The following SCN8A variants were observed in gnomAD, a reference collection of about 807,000 sequenced individuals.
SCN8A encodes sodium channel protein type 8 subunit alpha.
SCN8A carries 30 observed loss-of-function variants against 184.1 expected under a neutral mutation model. That is an observed-to-expected ratio of 0.16 (90% CI 0.12 to 0.22). The LOEUF (loss-of-function observed/expected upper bound fraction) is 0.22. SCN8A is among the 10% of genes least tolerant of loss of function. The probability of loss-of-function intolerance (pLI) is 1.00; values close to 1 mark genes in which losing one functional copy is unlikely to be tolerated. For missense variants in SCN8A, 1,057 were observed against 2,498.9 expected (o/e 0.42, Z 12.30); for synonymous variants, 852 against 907.0 (o/e 0.94, Z 1.09).
Position 51,768,735 on chromosome 12 carries a change from G to A in SCN8A, c.2902-130G>A. ...TAACATGAGCATTAAAATACTACGT[G>A]GGCCAAACACAACACAACAGAGCCT... On this transcript the variant is annotated intron_variant, in intron 16 of 26. Coordinates refer to ENST00000627620, the MANE Select transcript of SCN8A (RefSeq NM_001330260.2). 2 of 673,662 alleles carry A rather than the reference G, an allele frequency of 3.0e-6. 1 individual carries two copies. The highest frequency in any genetic ancestry group is 5.6e-5 in the East Asian group (2 of 36,028). The allele number at this position is 673,662 out of a possible 1,614,324, so 41.7% of individuals were successfully genotyped here.
rs898171250 is a variant in SCN8A, at chr12:51,759,240, AATATAT to A, written c.2371-3257_2371-3252del. Among the ~76,000 whole-genome samples the A allele has an allele frequency of 2.0e-5, 3 of 151,218 alleles. 1 individual carries two copies. The highest frequency in any genetic ancestry group is 2.0e-4 in the Admixed American group (3 of 15,158). ...TAAAAAATATATATATATAAATGAA[AATATAT>A]ATATAAGGCCTAGGTTTGTGTAAGT... On this transcript the variant is annotated intron_variant, in intron 14 of 26. Transcript: ENST00000627620.
chr12:51,705,621 C>T lies in SCN8A; in HGVS notation c.1339C>T (p.Gln447Ter), dbSNP rs1060501012. 1 of 1,611,804 alleles carries T rather than the reference C, an allele frequency of 6.2e-7. No individual in the cohort carries two copies. Among genetic ancestry groups the T allele is most frequent in the Non-Finnish European group, 8.5e-7 (1 of 1,178,900 alleles). ...ACTTAAGAAGCAACAGGAAGAGGCACAGGTTGGTGATGAATTCTTTGCAAT... is the reference window on the plus strand; with the variant it reads ...ACTTAAGAAGCAACAGGAAGAGGCATAGGTTGGTGATGAATTCTTTGCAAT... The part of the protein sequence containing the change: ...EQLKKQQEEA[Q>*]AAAMATSAGT... Residue 447 changes from glutamine to a stop codon, truncating the protein, a stop_gained and splice_region_variant, in exon 10 of 27, where the codon CAG becomes TAG. Coordinates refer to ENST00000627620, the MANE Select transcript of SCN8A (RefSeq NM_001330260.2). LOFTEE classifies it high-confidence loss of function.
chr12:51,656,932 T>A lies in SCN8A; in HGVS notation c.-54-5832T>A, dbSNP rs377716262. Among the ~76,000 whole-genome samples the A allele has an allele frequency of 9.9e-5, 15 of 152,204 alleles. No homozygotes were observed. The South Asian group carries it at 1.7e-3, about 17-fold the overall frequency. On this transcript the variant is annotated intron_variant, in intron 1 of 26. Coordinates refer to ENST00000627620, the MANE Select transcript of SCN8A (RefSeq NM_001330260.2). ...AATACAAAATGGTTCAGCCACAAAA[T>A]GCAAAATAGTTCAGGAAAACAGTTT...
At chr12:51,606,749 G>A (rs745523337) in intron 1 of SCN8A, among the ~76,000 whole-genome samples, 17 of 151,884 alleles carry the variant, frequency 1.1e-4, no homozygotes, top group African/African-American at 2.9e-4. Context: ...TATTTGTGTC[G>A]TCTATGATTT....
chr12:51,657,994 A>T lies in SCN8A; in HGVS notation c.-54-4770A>T, dbSNP rs118035756. On this transcript the variant is annotated intron_variant, in intron 1 of 26. Transcript: ENST00000627620. ...GGTCTGTGTGTCTTTTTATGCTAAT[A>T]CCATGTTGTTCTGGATACTGTATCT... Among the ~76,000 whole-genome samples, 887 of 152,218 alleles carry T rather than the reference A, an allele frequency of 5.8e-3. 4 individuals carry two copies. Among genetic ancestry groups the T allele is most frequent in the Non-Finnish European group, 0.01 (704 of 67,992 alleles).
chr12:51,786,463 T>G, intron 21 of SCN8A, 79 bp from the exon 22 acceptor site: 1 of 1,456,652 alleles, frequency 6.9e-7, no homozygotes, highest in Non-Finnish European at 9.6e-7. Context: ...CCACACAATG[T>G]CATTCCCCTC....
chr12:51,810,531 T>G lies in SCN8A; in HGVS notation c.*3102T>G, dbSNP rs1468100665. On this transcript the variant is annotated 3_prime_UTR_variant, in exon 27 of 27. Coordinates refer to ENST00000627620, the MANE Select transcript of SCN8A (RefSeq NM_001330260.2). ...CACAGTATCACTGCACATATATATATAGATATATAAATATAATATAAATAT... is the reference window on the plus strand; with the variant it reads ...CACAGTATCACTGCACATATATATAGAGATATATAAATATAATATAAATAT... 1 of 204,564 alleles carries G rather than the reference T, an allele frequency of 4.9e-6. No homozygotes were observed. Among genetic ancestry groups the G allele is most frequent in the East Asian group, 1.7e-4 (1 of 6,052 alleles). 12.7% of individuals were successfully genotyped at this position (204,564 alleles called of 1,614,324 possible). A position where few individuals can be genotyped will look rare whatever the true frequency, so the allele number is the denominator to read the frequency against.
chr12:51,697,576 A>G (rs1941616339), intron 6 of SCN8A, among the ~76,000 whole-genome samples: 1 of 152,202 alleles, frequency 6.6e-6, no homozygotes, highest in African/African-American at 2.4e-5. Flanking sequence ...GTTAGCCCTG[A>G]GCAGTGCCAT....
At chr12:51,603,096 A>G (rs930437797) in intron 1 of SCN8A, among the ~76,000 whole-genome samples, 1 of 152,168 alleles carries the variant, frequency 6.6e-6, no homozygotes, top group African/African-American at 2.4e-5. Flanking sequence ...GTATAGGTTC[A>G]TGTAACCGTG....
chr12:51,673,059 A>ATT (rs1022203072), intron 2 of SCN8A, among the ~76,000 whole-genome samples: 40 of 152,118 alleles, frequency 2.6e-4, no homozygotes, highest in African/African-American at 8.9e-4. Context: ...ATTTTCTATC[A>ATT]TTTTGCATTG....
chr12:51,612,013 CTTTG>C (rs1226086102), intron 1 of SCN8A, among the ~76,000 whole-genome samples: 2 of 152,026 alleles, frequency 1.3e-5, no homozygotes, highest in Non-Finnish European at 2.9e-5. Context: ...TATGCCTTTT[CTTTG>C]TTTCTTTTTT....
intron 1 of SCN8A, among the ~76,000 whole-genome samples, chr12:51,643,672 C>T (rs1940503256): frequency 6.6e-6 from 1 of 152,196 alleles, no homozygotes; most frequent in African/African-American, 2.4e-5. Context: ...AGGCTCATTC[C>T]TGCTTCAACC....
In SCN8A at chr12:51,810,585, A is replaced by G. The variant is rs990538894; in HGVS notation, c.*3156A>G. Reference sequence around the variant, plus strand: ...TTTTTTGTAGCCAGGTCCTTGGTGCAGTATTTATACTCCACAATCCACCTT... The same window carrying G: ...TTTTTTGTAGCCAGGTCCTTGGTGCGGTATTTATACTCCACAATCCACCTT... On this transcript the variant is annotated 3_prime_UTR_variant, in exon 27 of 27. Coordinates refer to ENST00000627620, the MANE Select transcript of SCN8A (RefSeq NM_001330260.2). 8.7e-5 allele frequency: 14 copies of G among 161,266 alleles called. No individual in the cohort carries two copies. Among genetic ancestry groups the G allele is most frequent in the African/African-American group, 3.1e-4 (13 of 41,572 alleles). The allele number at this position is 161,266 out of a possible 1,614,324, so 10.0% of individuals were successfully genotyped here.
intron 1 of SCN8A, among the ~76,000 whole-genome samples, chr12:51,632,467 T>A (rs1050836270): frequency 9.9e-5 from 15 of 152,168 alleles, no homozygotes; most frequent in African/African-American, 3.4e-4. Context: ...CTTGTGGCTG[T>A]ACTCTTATGT....
chr12:51,754,060 C>T (rs1320225268), intron 14 of SCN8A, among the ~76,000 whole-genome samples: 1 of 152,104 alleles, frequency 6.6e-6, no homozygotes, highest in East Asian at 1.9e-4. Context: ...AAGATCCCTG[C>T]CTCTTCTACC....
chr12:51,790,773 A>G (rs888147371), intron 25 of SCN8A, among the ~76,000 whole-genome samples: 4 of 152,246 alleles, frequency 2.6e-5, no homozygotes, highest in African/African-American at 9.6e-5. Context: ...TGGCCCTAGT[A>G]GAGAGATGTT....
At chr12:51,679,415 A>T (rs1160619195) in intron 2 of SCN8A, among the ~76,000 whole-genome samples, 2 of 152,156 alleles carry the variant, frequency 1.3e-5, no homozygotes, top group Non-Finnish European at 2.9e-5. Flanking sequence ...AAATGGTTGG[A>T]TGTGTGAAAA....
intron 20 of SCN8A, among the ~76,000 whole-genome samples, chr12:51,779,093 T>C (rs1937808298): frequency 6.6e-6 from 1 of 151,754 alleles, no homozygotes; most frequent in Non-Finnish European, 1.5e-5. Context: ...CACATGCCTG[T>C]AATCCAAGCT....
At chr12:51,804,213 C>T (rs575350714) in intron 26 of SCN8A, among the ~76,000 whole-genome samples, 2 of 152,300 alleles carry the variant, frequency 1.3e-5, no homozygotes, top group African/African-American at 2.4e-5. Flanking sequence ...AATCCCTGGA[C>T]GAATATAACT....
Sources: gnomAD v4.1 joint callset for allele counts (sites outside exome capture counted in the v4.1 genomes callset) on GRCh38, gnomAD v4.1.1 for gene constraint, MANE v1.5 for transcripts, NCBI Gene and HGNC (gene_info 2026-07-23, HGNC 2026-07-21) for gene names.